The following GABPB2 variants were observed in gnomAD, a reference collection of about 807,000 sequenced individuals.
GABPB2 encodes the protein GA binding protein transcription factor subunit beta 2.
In GABPB2, 23 loss-of-function variants were observed where a neutral mutation model predicts 39.1. The ratio of observed to expected loss-of-function variants is 0.59; its 90% confidence interval spans 0.42 to 0.83. The LOEUF (loss-of-function observed/expected upper bound fraction) is 0.83. GABPB2 is among the 40% of genes least tolerant of loss of function. The pLI is 0.00. For synonymous variants in GABPB2, 184 were observed against 199.3 expected, an observed-to-expected ratio of 0.92 and a Z score of 0.65; for missense variants, 467 against 541.1, an observed-to-expected ratio of 0.86 and a Z score of 1.36.
chr1:151,086,286 A>T (rs942696503), intron 1 of GABPB2, among the ~76,000 whole-genome samples: 1 of 152,070 alleles, frequency 6.6e-6, no homozygotes, highest in Non-Finnish European at 1.5e-5. Flanking sequence ...CCATTTTGTC[A>T]CACATAAATT....
At position 151,080,511 on chromosome 1, in the gene GABPB2, C is replaced by A. The variant is rs182976727; in HGVS notation, c.1-7679C>A. 3.4e-3 allele frequency among the ~76,000 whole-genome samples: 488 copies of A among 143,828 alleles called. 7 individuals carry two copies. Among genetic ancestry groups the A allele is most frequent in the African/African-American group, 0.012 (465 of 37,974 alleles). The allele number at this position is 143,828 out of a possible 152,430, so 94.4% of individuals were successfully genotyped here. A position where few individuals can be genotyped will look rare whatever the true frequency, so the allele number is the denominator to read the frequency against. On this transcript the variant is annotated intron_variant, in intron 1 of 8. Coordinates refer to ENST00000368918, the MANE Select transcript of GABPB2 (RefSeq NM_144618.3). ...GGGCAACAAGAGCAAAACTCCATCTCTAAATAAATAAATAAATAAATAAAT... is the reference window on the plus strand; with the variant it reads ...GGGCAACAAGAGCAAAACTCCATCTATAAATAAATAAATAAATAAATAAAT...
chr1:151,114,606 G>A (rs1335510791), intron 7 of GABPB2, among the ~76,000 whole-genome samples: 1 of 152,098 alleles, frequency 6.6e-6, no homozygotes, highest in Non-Finnish European at 1.5e-5. Flanking sequence ...GCTGAGGCAG[G>A]AGAATCTCTT....
intron 5 of GABPB2, among the ~76,000 whole-genome samples, chr1:151,101,433 G>A (rs1446247404): frequency 1.3e-5 from 2 of 151,998 alleles, no homozygotes; most frequent in South Asian, 4.1e-4. Flanking sequence ...AATTAGCTGG[G>A]CATGGTGGTG....
At chr1:151,100,543 A>T (rs1278102670) in intron 5 of GABPB2, among the ~76,000 whole-genome samples, 5 of 140,694 alleles carry the variant, frequency 3.6e-5, no homozygotes, top group African/African-American at 1.3e-4. Flanking sequence ...AGCCTCCCAA[A>T]GTATTGGGAT....
At chr1:151,088,463 CT>C in intron 2 of GABPB2, 166 bp downstream of exon 2, 1 of 1,371,792 alleles carries the variant, frequency 7.3e-7, no homozygotes, top group Non-Finnish European at 9.9e-7. Context: ...TTTTCTTTTT[CT>C]TTTAGTTTTC....
intron 6 of GABPB2, among the ~76,000 whole-genome samples, chr1:151,105,195 C>T (rs1378461170): frequency 6.6e-6 from 1 of 151,890 alleles, no homozygotes; most frequent in Non-Finnish European, 1.5e-5. Context: ...TGTGAGCCAC[C>T]GCGCCTGGCC....
intron 1 of GABPB2, among the ~76,000 whole-genome samples, chr1:151,084,225 T>C (rs1046286906): frequency 3.3e-5 from 5 of 151,710 alleles, no homozygotes; most frequent in African/African-American, 1.2e-4. Flanking sequence ...TTTTTTTGTT[T>C]GTTTGTTTTG....
At chr1:151,091,151 G>T (rs1003436961) in intron 3 of GABPB2, among the ~76,000 whole-genome samples, 1 of 150,676 alleles carries the variant, frequency 6.6e-6, no homozygotes, top group Non-Finnish European at 1.5e-5. Flanking sequence ...GCAGTGGCAC[G>T]ATCTCTGCTC....
At chr1:151,116,952 A>C (rs1226238395) in intron 7 of GABPB2, among the ~76,000 whole-genome samples, 1 of 152,084 alleles carries the variant, frequency 6.6e-6, no homozygotes, top group Non-Finnish European at 1.5e-5. Flanking sequence ...TAGGTGACCT[A>C]GAGTCAGACA....
intron 5 of GABPB2, among the ~76,000 whole-genome samples, chr1:151,101,791 A>T (rs1408158418): frequency 6.6e-6 from 1 of 152,190 alleles, no homozygotes; most frequent in Non-Finnish European, 1.5e-5. Context: ...GTATCTCTGA[A>T]ATTATAGTGA....
chr1:151,093,912 TCA>T (rs1270701733), intron 4 of GABPB2, among the ~76,000 whole-genome samples: 2 of 152,062 alleles, frequency 1.3e-5, no homozygotes, highest in African/African-American at 4.8e-5. Flanking sequence ...CAGATCACTT[TCA>T]CACCATGGCA....
At chr1:151,113,516 G>A (rs1208337101) in intron 7 of GABPB2, among the ~76,000 whole-genome samples, 15 of 149,472 alleles carry the variant, frequency 1.0e-4, no homozygotes, top group South Asian at 2.1e-4. Context: ...ATGAGCTACC[G>A]TGTCTGGCCA....
intron 3 of GABPB2, among the ~76,000 whole-genome samples, chr1:151,091,047 T>G (rs1678647512): frequency 6.6e-6 from 1 of 151,618 alleles, no homozygotes; most frequent in African/African-American, 2.4e-5. Flanking sequence ...AAAAAAAACC[T>G]TCATGGCTAT....
At chr1:151,116,076 C>CTAGGT (rs2101574308) in intron 7 of GABPB2, among the ~76,000 whole-genome samples, 1 of 150,134 alleles carries the variant, frequency 6.7e-6, no homozygotes, top group Admixed American at 6.7e-5. Flanking sequence ...GCACTCCAGC[C>CTAGGT]TAGGTTACAG....
chr1:151,071,384 C>T (rs1047843516), intron 1 of GABPB2, among the ~76,000 whole-genome samples: 2 of 151,338 alleles, frequency 1.3e-5, no homozygotes, highest in Non-Finnish European at 2.9e-5. Flanking sequence ...AAATAATGAC[C>T]TGAAAGATTA....
chr1:151,116,058 G>A (rs1377011854), intron 7 of GABPB2, among the ~76,000 whole-genome samples: 1 of 151,234 alleles, frequency 6.6e-6, no homozygotes, highest in Non-Finnish European at 1.5e-5. Flanking sequence ...AGCTGAGATT[G>A]TGCCACTGCA....
intron 1 of GABPB2, among the ~76,000 whole-genome samples, chr1:151,077,466 T>C (rs1435772066): frequency 6.6e-5 from 10 of 150,438 alleles, no homozygotes; most frequent in African/African-American, 2.4e-4. Context: ...AAGTGATTCT[T>C]CTGCCTCAGC....
chr1:151,118,055 A>G lies in GABPB2; in HGVS notation c.1146A>G (p.Ala382=), dbSNP rs746949509. 1 of 1,614,220 alleles carries G rather than the reference A, an allele frequency of 6.2e-7. No individual in the cohort carries two copies. The highest frequency in any genetic ancestry group is 8.5e-7 in the Non-Finnish European group (1 of 1,180,028). The change falls in exon 9 of 9, where the codon GCA becomes GCG. Residue 382 remains alanine, a synonymous_variant. Coordinates refer to ENST00000368918, the MANE Select transcript of GABPB2 (RefSeq NM_144618.3). ...RHQLLKKEQE[A]EQYRLKLEAI... ...AGCTCCTAAAGAAAGAGCAGGAAGCAGAACAGTACCGTCTTAAGCTGGAGG... is the reference window on the plus strand; with the variant it reads ...AGCTCCTAAAGAAAGAGCAGGAAGCGGAACAGTACCGTCTTAAGCTGGAGG...
At chr1:151,102,234 G>A (rs1415982033) in intron 5 of GABPB2, among the ~76,000 whole-genome samples, 1 of 152,138 alleles carries the variant, frequency 6.6e-6, no homozygotes, top group Non-Finnish European at 1.5e-5. Context: ...GATAGGAGAA[G>A]CGCTTGAATC....
Sources: allele counts gnomAD v4.1 joint callset (sites outside exome capture counted in the v4.1 genomes callset), GRCh38; gene constraint gnomAD v4.1.1; transcripts MANE v1.5; gene names NCBI Gene and HGNC (gene_info 2026-07-23, HGNC 2026-07-21).